Variants in HCN4 observed in about 807,000 individuals in gnomAD.
HCN4 encodes the protein hyperpolarization activated cyclic nucleotide gated potassium channel 4, also known as potassium/sodium hyperpolarization-activated cyclic nucleotide-gated channel 4.
HCN4 carries 29 observed loss-of-function variants against 76.9 expected under a neutral mutation model. The observed-to-expected ratio is 0.38, with a 90% CI of 0.28 to 0.51. HCN4 has a LOEUF of 0.51. HCN4 is among the 20% of genes least tolerant of loss of function. HCN4 has a pLI of 0.90. For missense variants in HCN4, 1,416 were observed against 1,715.2 expected (o/e 0.83, Z 3.08); for synonymous variants, 772 against 762.5 (o/e 1.01, Z -0.21).
At position 73,367,357 on chromosome 15, in the gene HCN4, G is replaced by A; in HGVS notation, c.785+129C>T. ...GCCTGGGGGTGTCTCGGAGCCTAGA[G>A]GCGCCCTGCCTCTCTTGGAGCTCCC... On this transcript the variant is annotated intron_variant, in intron 1 of 7. Coordinates refer to ENST00000261917, the MANE Select transcript of HCN4 (RefSeq NM_005477.3). This position sits in a 1 kb window ranked among gnomAD's most constrained non-coding sequence, Gnocchi z 7.5. 1.4e-6 allele frequency: 2 copies of A among 1,437,348 alleles called. No homozygotes were observed. Among genetic ancestry groups the A allele is most frequent in the Non-Finnish European group, 1.9e-6 (2 of 1,064,756 alleles). 89.0% of individuals were successfully genotyped at this position (1,437,348 alleles called of 1,614,324 possible). A position where few individuals can be genotyped will look rare whatever the true frequency, so the allele number is the denominator to read the frequency against.
At chr15:73,365,483 T>C (rs972224929) in intron 1 of HCN4, among the ~76,000 whole-genome samples, 1 of 152,142 alleles carries the variant, frequency 6.6e-6, no homozygotes, top group Non-Finnish European at 1.5e-5. Context: ...CCACACCCTC[T>C]CCTGCAGCCA....
chr15:73,363,971 G>A (rs1037151366), intron 1 of HCN4, among the ~76,000 whole-genome samples: 4 of 152,150 alleles, frequency 2.6e-5, no homozygotes, highest in Admixed American at 2.6e-4. Context: ...GTGACGGGGT[G>A]CCAGTGACCA....
chr15:73,327,753 T>G (rs2042909472), intron 4 of HCN4, among the ~76,000 whole-genome samples: 1 of 152,098 alleles, frequency 6.6e-6, no homozygotes, highest in Non-Finnish European at 1.5e-5. Context: ...ACCCCTATGC[T>G]CATCCTCATC....
intron 1 of HCN4, among the ~76,000 whole-genome samples, chr15:73,349,480 C>T (rs999380691): frequency 2.0e-5 from 3 of 152,090 alleles, no homozygotes; most frequent in African/African-American, 7.2e-5. Context: ...AGTCTGACTC[C>T]AGAGGCCTGC....
At position 73,322,330 on chromosome 15, in the gene HCN4, C is replaced by T; in HGVS notation, c.*151G>A. 1 of 747,452 alleles carries T rather than the reference C, an allele frequency of 1.3e-6. No homozygotes were observed. The highest frequency in any genetic ancestry group is 2.3e-6 in the Non-Finnish European group (1 of 430,038). 46.3% of individuals were successfully genotyped at this position (747,452 alleles called of 1,614,324 possible). Reference sequence around the variant, plus strand: ...CAAAAATCTATAGCTCTAAGAATACCTGGTTATTTTCTGCTGTCTTTTGTT... The same window carrying T: ...CAAAAATCTATAGCTCTAAGAATACTTGGTTATTTTCTGCTGTCTTTTGTT... On this transcript the variant is annotated 3_prime_UTR_variant, in exon 8 of 8. Coordinates refer to ENST00000261917, the MANE Select transcript of HCN4 (RefSeq NM_005477.3).
intron 1 of HCN4, among the ~76,000 whole-genome samples, chr15:73,352,710 C>T (rs1214368631): frequency 6.6e-6 from 1 of 152,196 alleles, no homozygotes; most frequent in South Asian, 2.1e-4. Context: ...CCCTCCTCTA[C>T]CCCACCTCCA....
At chr15:73,360,299 A>C (rs2043099240) in intron 1 of HCN4, among the ~76,000 whole-genome samples, 1 of 152,158 alleles carries the variant, frequency 6.6e-6, no homozygotes, top group Non-Finnish European at 1.5e-5. Flanking sequence ...GACGTTACAC[A>C]ACCCACTTGG....
chr15:73,344,679 C>A (rs1165110235), intron 1 of HCN4, among the ~76,000 whole-genome samples: 1 of 152,164 alleles, frequency 6.6e-6, no homozygotes, highest in South Asian at 2.1e-4. Flanking sequence ...ACCTTCAAGT[C>A]GTTTGTAGAG....
At chr15:73,326,609 C>T (rs568858476) in intron 4 of HCN4, among the ~76,000 whole-genome samples, 37 of 152,094 alleles carry the variant, frequency 2.4e-4, no homozygotes, top group African/African-American at 7.5e-4. Context: ...GAGAGACAGA[C>T]GTGGGGATGG....
intron 4 of HCN4, among the ~76,000 whole-genome samples, chr15:73,327,631 G>A (rs572757528): frequency 4.3e-4 from 66 of 151,964 alleles, no homozygotes; most frequent in Non-Finnish European, 8.5e-4. Context: ...ATCTGGGCCC[G>A]GACTAAGCCC....
chr15:73,355,242 G>A lies in HCN4; in HGVS notation c.786-11434C>T, dbSNP rs115204809. ...TGGGTCAGGGGCCTGAGATTCTCAA[G>A]TTCTAGTCCCGTCCCTGTCTCTAAC... is the stretch of plus-strand genomic sequence containing the variant. On this transcript the variant is annotated intron_variant, in intron 1 of 7. Transcript: ENST00000261917. Among the ~76,000 whole-genome samples the A allele has an allele frequency of 3.1e-3, 471 of 152,312 alleles. 2 individuals carry two copies. The highest frequency in any genetic ancestry group is 0.01 in the Middle Eastern group (3 of 294).
At chr15:73,339,912 G>A (rs947260337) in intron 2 of HCN4, among the ~76,000 whole-genome samples, 7 of 152,170 alleles carry the variant, frequency 4.6e-5, no homozygotes, top group South Asian at 2.1e-4. Flanking sequence ...CAGTGTGCCC[G>A]GCAGAAACTA....
intron 1 of HCN4, among the ~76,000 whole-genome samples, chr15:73,350,927 C>T (rs2043052887): frequency 1.3e-5 from 2 of 152,208 alleles, no homozygotes; most frequent in Admixed American, 6.5e-5. Flanking sequence ...CCCACACTCT[C>T]GCTTTCGTGC....
intron 1 of HCN4, among the ~76,000 whole-genome samples, chr15:73,361,808 G>A (rs79732255): frequency 1.3e-5 from 2 of 152,238 alleles, no homozygotes; most frequent in Non-Finnish European, 2.9e-5. Flanking sequence ...ATAGCCTGGG[G>A]CAGGGAAGAA....
Position 73,343,700 on chromosome 15 carries a change from G to A in HCN4, c.894C>T (p.Phe298=). The A allele has an allele frequency of 6.2e-7, 1 of 1,614,184 alleles. No homozygotes were observed. The highest frequency in any genetic ancestry group is 1.1e-5 in the South Asian group (1 of 91,088). ...GGAAGAATGTGTCTGACACCACATT[G>A]AAGACAATCCAGGGTGTGGTGTTCT... is the stretch of plus-strand genomic sequence containing the variant. ...KDENTTPWIV[F]NVVSDTFFLI... is the part of the protein sequence containing the mutation. Residue 298 remains phenylalanine, a synonymous_variant, in exon 2 of 8, where the codon TTC becomes TTT. Transcript: ENST00000261917. The surrounding 1 kb of genome is among the most constrained non-coding windows in gnomAD (Gnocchi z 5.7).
At chr15:73,327,317 G>T (rs1303538003) in intron 4 of HCN4, among the ~76,000 whole-genome samples, 1 of 151,230 alleles carries the variant, frequency 6.6e-6, no homozygotes, top group African/African-American at 2.4e-5. Flanking sequence ...CACCATGTTG[G>T]CCAGGCTGGT....
chr15:73,322,538 C>T lies in HCN4; in HGVS notation c.3555G>A (p.Gln1185=). The change falls in exon 8 of 8, where the codon CAG becomes CAA. Residue 1185 remains glutamine (Q), a synonymous_variant. Coordinates refer to ENST00000261917, the MANE Select transcript of HCN4 (RefSeq NM_005477.3). ...SGGPPLTAGP[Q]REPGARPEPV... ...GCTCAGGCCTGGCCCCAGGTTCCCT[C>T]TGGGGTCCAGCAGTCAGAGGGGGCC... 6.2e-7 allele frequency: 1 copy of T among 1,605,674 alleles called. No individual in the cohort carries two copies. The highest frequency in any genetic ancestry group is 8.5e-7 in the Non-Finnish European group (1 of 1,176,348).
chr15:73,360,163 C>A (rs1482785953), intron 1 of HCN4, among the ~76,000 whole-genome samples: 2 of 152,226 alleles, frequency 1.3e-5, no homozygotes, highest in African/African-American at 4.8e-5. Context: ...CCCAGAAAGA[C>A]AGGTATGAAG....
At chr15:73,332,975 G>C (rs2042941404) in intron 2 of HCN4, among the ~76,000 whole-genome samples, 1 of 152,244 alleles carries the variant, frequency 6.6e-6, no homozygotes. Context: ...ATGGGTAGAG[G>C]AGTGTTCAAT....
Sources: gnomAD v4.1 joint callset for allele counts (sites outside exome capture counted in the v4.1 genomes callset) on GRCh38, gnomAD v4.1.1 for gene constraint, Gnocchi (gnomAD v3.1) non-coding constraint, MANE v1.5 for transcripts, NCBI Gene and HGNC (gene_info 2026-07-23, HGNC 2026-07-21) for gene names.